The following BDP1 variants were observed in gnomAD, a reference collection of about 807,000 sequenced individuals.
BDP1 encodes the protein BDP1 general transcription factor IIIB subunit.
In BDP1, 169 loss-of-function variants were observed where a neutral mutation model predicts 266.6. That is an observed-to-expected ratio of 0.63 (90% confidence interval 0.56 to 0.72). The LOEUF (loss-of-function observed/expected upper bound fraction) is 0.72, where lower values mean the gene tolerates loss of function less well. BDP1 is among the 30% of genes least tolerant of loss of function. BDP1 has a pLI of 0.00. For missense variants in BDP1, 3,015 were observed against 3,053.8 expected (o/e 0.99, Z 0.30); for synonymous variants, 1,090 against 1,022.4 (o/e 1.07, Z -1.26).
At chr5:71,501,540 T>A (rs1221697408) in intron 13 of BDP1, 22 bp from the exon 14 acceptor site, 1 of 1,352,696 alleles carries the variant, frequency 7.4e-7, no homozygotes, top group Non-Finnish European at 1.0e-6. Flanking sequence ...AGTAGATAAA[T>A]TGTAGCAAAT....
chr5:71,468,094 C>T (rs1427815338), intron 6 of BDP1, among the ~76,000 whole-genome samples: 1 of 152,202 alleles, frequency 6.6e-6, no homozygotes, highest in Non-Finnish European at 1.5e-5. Flanking sequence ...TCTCGGCTCA[C>T]TGCAACCTCT....
rs757233884 is a variant in BDP1, at chr5:71,464,068, G to A, written c.610G>A (p.Glu204Lys). 4 of 1,559,186 alleles carry A rather than the reference G, an allele frequency of 2.6e-6. No homozygotes were observed. The African/African-American group carries it at 5.5e-5, about 21-fold the overall frequency. Residue 204 changes from glutamate to lysine, a missense_variant, in exon 4 of 39, where the codon GAA becomes AAA. Glu to Lys is a moderately conservative substitution (Grantham distance 56, BLOSUM62 1). Around this residue, in one of 3 missense-constraint regions of BDP1, gnomAD observed 2,383 missense variants for 2,404.9 expected, o/e 0.99. Coordinates refer to ENST00000358731, the MANE Select transcript of BDP1 (RefSeq NM_018429.3). ...PDNNPMTSSL[E>K]QEKKTEKPST... ...ATTTATGTTCAATAGTTCTTCACTG[G>A]AACAAGAAAAGAAAACTGAAAAGCC...
chr5:71,524,390 G>A, intron 25 of BDP1, 67 bp downstream of exon 25: 1 of 1,412,122 alleles, frequency 7.1e-7, no homozygotes, highest in Non-Finnish European at 9.6e-7. Context: ...TTCTTTTAGG[G>A]GATCATTATT....
chr5:71,489,337 CT>C (rs1164231587), intron 9 of BDP1, 66 bp from the exon 10 acceptor site: 3 of 1,244,996 alleles, frequency 2.4e-6, no homozygotes, highest in Non-Finnish European at 3.3e-6. Context: ...CTTTGAGTCT[CT>C]TTCCCACCTT....
chr5:71,557,000 T>C (rs1419738197), intron 36 of BDP1, 75 bp downstream of exon 36: 5 of 755,242 alleles, frequency 6.6e-6, no homozygotes, highest in Non-Finnish European at 1.0e-5. Flanking sequence ...CTTGTTCAAA[T>C]ATGAGATTGA....
At chr5:71,469,622 C>A (rs1476457901) in intron 6 of BDP1, among the ~76,000 whole-genome samples, 1 of 149,844 alleles carries the variant, frequency 6.7e-6, no homozygotes, top group East Asian at 2.0e-4. Flanking sequence ...ATTTCTTTTT[C>A]TTTTTTTTTG....
chr5:71,567,070 A>G lies in BDP1; in HGVS notation c.*2185A>G, dbSNP rs1028329244. The G allele has an allele frequency of 2.0e-5, 3 of 152,206 alleles. No homozygotes were observed. Among genetic ancestry groups the G allele is most frequent in the Non-Finnish European group, 2.9e-5 (2 of 68,026 alleles). 9.4% of individuals were successfully genotyped at this position (152,206 alleles called of 1,614,324 possible). A position where few individuals can be genotyped will look rare whatever the true frequency, so the allele number is the denominator to read the frequency against. ...TTCGGAGCGGAAATTGTCTATAAGT[A>G]GGCATTTATTTCATGATTGATATGT... On this transcript the variant is annotated 3_prime_UTR_variant, in exon 39 of 39. Coordinates refer to ENST00000358731, the MANE Select transcript of BDP1 (RefSeq NM_018429.3).
At chr5:71,546,905 G>C (rs1206382696) in intron 32 of BDP1, among the ~76,000 whole-genome samples, 2 of 152,012 alleles carry the variant, frequency 1.3e-5, no homozygotes, top group African/African-American at 4.8e-5. Context: ...GAGTGCAGTG[G>C]CACGATCTCA....
At chr5:71,517,590 G>A (rs1032060842) in intron 22 of BDP1, 138 bp downstream of exon 22, 1 of 702,804 alleles carries the variant, frequency 1.4e-6, no homozygotes, top group Admixed American at 3.6e-5. Context: ...TGTGATACTA[G>A]AGTCTTTTAA....
intron 33 of BDP1, among the ~76,000 whole-genome samples, 183 bp from the exon 34 acceptor site, chr5:71,549,237 C>A (rs1334232973): frequency 6.8e-6 from 1 of 147,260 alleles, no homozygotes; most frequent in Non-Finnish European, 1.5e-5. Context: ...GACTCTGTCT[C>A]CCCCCCGCAA....
intron 36 of BDP1, among the ~76,000 whole-genome samples, chr5:71,558,773 C>T (rs1743412664): frequency 6.6e-6 from 1 of 151,736 alleles, no homozygotes; most frequent in African/African-American, 2.4e-5. Context: ...TTGCGGTGAG[C>T]CGAGATTGCG....
Position 71,541,612 on chromosome 5 carries a change from T to C in BDP1, c.6181T>C (p.Leu2061=), listed in dbSNP as rs1766975532. The C allele has an allele frequency of 6.2e-6, 10 of 1,612,572 alleles. No individual in the cohort carries two copies. The highest frequency in any genetic ancestry group is 1.7e-5 in the Admixed American group (1 of 59,840). The change falls in exon 29 of 39, where the codon TTG becomes CTG. Residue 2061 remains leucine (L), a synonymous_variant. Transcript: ENST00000358731. ...PASFEENKIV[L]EEQSSREEIS... The stretch of plus-strand genomic sequence containing the variant: ...ATCATTTGAAGAAAACAAGATTGTA[T>C]TGGAGGAACAAAGTTCCAGAGAAGA...
chr5:71,556,611 G>A (rs1743232827), intron 35 of BDP1, among the ~76,000 whole-genome samples: 1 of 152,132 alleles, frequency 6.6e-6, no homozygotes, highest in Non-Finnish European at 1.5e-5. Context: ...TGATGTAGTA[G>A]TCTTTTGATG....
chr5:71,510,482 G>T lies in BDP1; in HGVS notation c.3390G>T (p.Lys1130Asn). Residue 1130 changes from lysine (K) to asparagine (N), a missense_variant, in exon 17 of 39, where the codon AAG becomes AAT. Coordinates refer to ENST00000358731, the MANE Select transcript of BDP1 (RefSeq NM_018429.3). ...GAAGGGAGATTTCCCCAAGGGAGAA[G>T]ACACCAGAGGTGATTGATGCCACTG... ...ATGREISPREKTPEVIDATEE... is the reference protein window; with the variant it reads ...ATGREISPRENTPEVIDATEE... 6.2e-7 allele frequency: 1 copy of T among 1,613,348 alleles called. No homozygotes were observed. The highest frequency in any genetic ancestry group is 8.5e-7 in the Non-Finnish European group (1 of 1,179,866).
chr5:71,572,241 TC>T (rs1476531914), downstream of BDP1, among the ~76,000 whole-genome samples: 1 of 152,324 alleles, frequency 6.6e-6, no homozygotes, highest in Non-Finnish European at 1.5e-5. Context: ...AGACAAGGTG[TC>T]CCCTGACCCT....
intron 24 of BDP1, 145 bp downstream of exon 24, chr5:71,523,094 T>C (rs1435987408): frequency 7.3e-6 from 4 of 544,478 alleles, no homozygotes; most frequent in African/African-American, 1.9e-5. Context: ...TATGTATGTA[T>C]TAGCTAAGTA....
intron 22 of BDP1, among the ~76,000 whole-genome samples, chr5:71,521,744 G>A (rs909299213): frequency 1.4e-4 from 21 of 152,320 alleles, no homozygotes; most frequent in African/African-American, 5.1e-4. Context: ...GATACAGACG[G>A]ATTATATTGA....
chr5:71,479,228 A>G (rs1254906517), intron 7 of BDP1, among the ~76,000 whole-genome samples: 1 of 151,744 alleles, frequency 6.6e-6, no homozygotes, highest in Non-Finnish European at 1.5e-5. Context: ...TTTTTAGTAG[A>G]GACGGGGTTT....
chr5:71,469,380 C>A (rs1351546724), intron 6 of BDP1, among the ~76,000 whole-genome samples: 1 of 151,916 alleles, frequency 6.6e-6, no homozygotes, highest in Non-Finnish European at 1.5e-5. Flanking sequence ...CTCAAGTGAT[C>A]TGCCCGCCTC....
Sources: gnomAD v4.1 joint callset for allele counts (sites outside exome capture counted in the v4.1 genomes callset) on GRCh38, gnomAD v4.1.1 for gene constraint, gnomAD v4.1.1 regional missense constraint, MANE v1.5 for transcripts, NCBI Gene and HGNC (gene_info 2026-07-23, HGNC 2026-07-21) for gene names.